The following PPARGC1A variants were observed in gnomAD, a reference collection of about 807,000 sequenced individuals.
The protein encoded by PPARGC1A is peroxisome proliferator-activated receptor gamma coactivator 1-alpha.
Under a neutral mutation model 88.7 loss-of-function variants are expected in PPARGC1A, and 25 were observed. That is an observed-to-expected ratio of 0.28 (90% CI 0.21 to 0.39). The LOEUF (loss-of-function observed/expected upper bound fraction) is 0.39, where lower values mean the gene tolerates loss of function less well. Ranked by LOEUF, PPARGC1A falls within the 10% of genes least tolerant of loss-of-function variation. PPARGC1A has a pLI of 1.00. For missense variants in PPARGC1A, 880 were observed against 968.7 expected (o/e 0.91, Z 1.22); for synonymous variants, 363 against 355.6 (o/e 1.02, Z -0.24).
At chr4:23,989,051 T>C in the PPARGC1A span, among the ~76,000 whole-genome samples, 1 of 150,932 alleles carries the variant, frequency 6.6e-6, no homozygotes, top group African/African-American at 2.4e-5. Context: ...GGAACAAATC[T>C]TACATTTGGA....
intron 2 of PPARGC1A, among the ~76,000 whole-genome samples, chr4:23,865,725 G>A (rs771498241): frequency 2.0e-5 from 3 of 152,092 alleles, no homozygotes; most frequent in Non-Finnish European, 2.9e-5. Context: ...AATATCTGGC[G>A]ATTAATTGCC....
In PPARGC1A at chr4:23,793,703, A is replaced by G. The variant is rs1717043977; in HGVS notation, c.*2119T>C. 6.6e-6 allele frequency: 1 copy of G among 152,154 alleles called. No individual in the cohort carries two copies. Among genetic ancestry groups the G allele is most frequent in the African/African-American group, 2.4e-5 (1 of 41,436 alleles). The allele number at this position is 152,154 out of a possible 1,614,324, so 9.4% of individuals were successfully genotyped here. ...CACTCAGATGAAATCCTGATGATCA[A>G]AATGGAGGTTTTTCTGAAGTTTTTA... On this transcript the variant is annotated 3_prime_UTR_variant, in exon 13 of 13. Coordinates refer to ENST00000264867, the MANE Select transcript of PPARGC1A (RefSeq NM_013261.5).
chr4:24,414,039 T>G, the PPARGC1A span, among the ~76,000 whole-genome samples: 1 of 152,302 alleles, frequency 6.6e-6, no homozygotes, highest in African/African-American at 2.4e-5. Flanking sequence ...CCAAAGCCCA[T>G]GCTCTGAAAC....
At chr4:24,387,762 G>GAAAGAAAGAA in the PPARGC1A span, among the ~76,000 whole-genome samples, 141 of 72,696 alleles carry the variant, frequency 1.9e-3, 1 homozygote, top group South Asian at 2.7e-3. Context: ...GAGAGAGAGA[G>GAAAGAAAGAA]AGAGAGAAAG....
At chr4:24,160,602 C>T in the PPARGC1A span, among the ~76,000 whole-genome samples, 1 of 152,088 alleles carries the variant, frequency 6.6e-6, no homozygotes, top group Non-Finnish European at 1.5e-5. Context: ...TGGCCCCATG[C>T]CTCCATCATC....
chr4:24,406,017 A>G, the PPARGC1A span, among the ~76,000 whole-genome samples: 5 of 151,866 alleles, frequency 3.3e-5, no homozygotes, highest in Non-Finnish European at 7.4e-5. Flanking sequence ...ACAGAATCTA[A>G]GGTTCGATTC....
chr4:24,389,724 T>G, the PPARGC1A span, among the ~76,000 whole-genome samples: 2 of 152,192 alleles, frequency 1.3e-5, no homozygotes, highest in Non-Finnish European at 2.9e-5. Context: ...CATAGCATTA[T>G]TTGCATGCAT....
the PPARGC1A span, among the ~76,000 whole-genome samples, chr4:24,089,318 G>T: frequency 6.6e-6 from 1 of 151,990 alleles, no homozygotes; most frequent in East Asian, 1.9e-4. Flanking sequence ...GGCTTATGGG[G>T]ACCCAGCCTA....
At chr4:24,466,733 GGTGAAACCTCATCTCTAC>G in the PPARGC1A span, among the ~76,000 whole-genome samples, 1 of 151,834 alleles carries the variant, frequency 6.6e-6, no homozygotes, top group Non-Finnish European at 1.5e-5. Context: ...TGGCCAACAT[GGTGAAACCTCATCTCTAC>G]TAAAATACAA....
the PPARGC1A span, among the ~76,000 whole-genome samples, chr4:23,942,965 G>C: frequency 6.6e-6 from 1 of 152,156 alleles, no homozygotes; most frequent in Non-Finnish European, 1.5e-5. Context: ...TGCATTTTTA[G>C]TGGAATAAAT....
At chr4:24,266,887 T>G in the PPARGC1A span, among the ~76,000 whole-genome samples, 1 of 152,200 alleles carries the variant, frequency 6.6e-6, no homozygotes, top group Admixed American at 6.5e-5. Context: ...TTCAATTGAA[T>G]ACTATGCCAC....
the PPARGC1A span, among the ~76,000 whole-genome samples, chr4:24,462,968 A>G: frequency 6.6e-6 from 1 of 152,026 alleles, no homozygotes; most frequent in East Asian, 1.9e-4. Flanking sequence ...GCACAAGCAC[A>G]TACTTAGCAG....
At chr4:24,371,958 A>G in the PPARGC1A span, among the ~76,000 whole-genome samples, 7 of 151,932 alleles carry the variant, frequency 4.6e-5, no homozygotes, top group African/African-American at 1.7e-4. Flanking sequence ...CTCAAAATAA[A>G]AGAAAAAAAA....
intron 2 of PPARGC1A, among the ~76,000 whole-genome samples, chr4:23,871,181 GA>G (rs1713282529): frequency 6.7e-6 from 1 of 150,256 alleles, no homozygotes; most frequent in Non-Finnish European, 1.5e-5. Context: ...TTTGTGAACA[GA>G]ATGTCTTTGT....
At chr4:24,371,592 G>T in the PPARGC1A span, among the ~76,000 whole-genome samples, 1 of 152,088 alleles carries the variant, frequency 6.6e-6, no homozygotes, top group Non-Finnish European at 1.5e-5. Context: ...TGAGGGGAGA[G>T]TCCCTGAGTC....
the PPARGC1A span, among the ~76,000 whole-genome samples, chr4:24,307,534 C>T: frequency 6.6e-6 from 1 of 152,062 alleles, no homozygotes; most frequent in Non-Finnish European, 1.5e-5. Context: ...CTTCCTTGGC[C>T]TCAAGAAGCT....
the PPARGC1A span, among the ~76,000 whole-genome samples, chr4:23,940,038 C>A: frequency 2.6e-3 from 392 of 152,300 alleles, 2 homozygotes; most frequent in African/African-American, 8.9e-3. Flanking sequence ...GTTCCTGGAA[C>A]CTTCCCTAGA....
the PPARGC1A span, among the ~76,000 whole-genome samples, chr4:24,147,791 C>CA: frequency 6.6e-6 from 1 of 151,978 alleles, no homozygotes; most frequent in East Asian, 1.9e-4. Flanking sequence ...TACTAAAATA[C>CA]AAAAAAGTAG....
At chr4:24,283,462 G>A in the PPARGC1A span, among the ~76,000 whole-genome samples, 1 of 152,306 alleles carries the variant, frequency 6.6e-6, no homozygotes, top group East Asian at 1.9e-4. Context: ...ACAAACGAAG[G>A]AAACGGCTTC....
Sources: gnomAD v4.1 joint callset for allele counts (sites outside exome capture counted in the v4.1 genomes callset) on GRCh38, gnomAD v4.1.1 for gene constraint, MANE v1.5 for transcripts, NCBI Gene and HGNC (gene_info 2026-07-23, HGNC 2026-07-21) for gene names.